The following FRMD4B variants were observed in gnomAD, a reference collection of about 807,000 sequenced individuals.
The protein encoded by FRMD4B is FERM domain containing 4B, also known as FERM domain-containing protein 4B.
Under a neutral mutation model 141.5 loss-of-function variants are expected in FRMD4B, and 74 were observed. That is an observed-to-expected ratio of 0.52 (90% CI 0.43 to 0.63). FRMD4B has a LOEUF of 0.63. FRMD4B is among the 30% of genes least tolerant of loss of function. The pLI, the probability that FRMD4B is intolerant of heterozygous loss-of-function variation, is 0.00. For synonymous variants in FRMD4B, 506 were observed against 467.9 expected (o/e 1.08, Z -1.05); for missense variants, 1,366 against 1,253.4 (o/e 1.09, Z -1.36).
At chr3:69,485,497 C>G (rs916000746) in intron 1 of FRMD4B, among the ~76,000 whole-genome samples, 3 of 152,222 alleles carry the variant, frequency 2.0e-5, no homozygotes, top group Admixed American at 6.5e-5. Flanking sequence ...CTACTCTCAG[C>G]TCCCAGAAGC....
intron 1 of FRMD4B, among the ~76,000 whole-genome samples, chr3:69,352,935 A>G (rs767285): frequency 0.31 from 46,966 of 152,030 alleles, 8,089 homozygotes; most frequent in Non-Finnish European, 0.39. Context: ...TTTTGTTGCC[A>G]AGTGTTCACA....
chr3:69,308,438 C>CT (rs112662917), intron 3 of FRMD4B, among the ~76,000 whole-genome samples: 93,530 of 142,096 alleles, frequency 0.66, 32,021 homozygotes, highest in Non-Finnish European at 0.76. Flanking sequence ...ATCACACTGG[C>CT]TTTTTTTTTT....
intron 4 of FRMD4B, among the ~76,000 whole-genome samples, chr3:69,288,759 C>G (rs943655955): frequency 1.3e-5 from 2 of 152,098 alleles, no homozygotes; most frequent in African/African-American, 2.4e-5. Flanking sequence ...GCTTTGAGTC[C>G]GAAAGGGAAT....
In FRMD4B at chr3:69,323,560, G is replaced by A. The variant is rs1250587100; in HGVS notation, c.163-10043C>T. 4.3e-5 allele frequency among the ~76,000 whole-genome samples: 6 copies of A among 140,472 alleles called. No individual in the cohort carries two copies. In the East Asian group the frequency reaches 1.4e-3, roughly 32 times the overall value. The allele number at this position is 140,472 out of a possible 152,430, so 92.2% of individuals were successfully genotyped here. A position where few individuals can be genotyped will look rare whatever the true frequency, so the allele number is the denominator to read the frequency against. ...AGCCTGGGCGACACAGCGAGACTCT[G>A]TCTCAAAAAAACAAAACAAAAACCC... On this transcript the variant is annotated intron_variant, in intron 1 of 22. Coordinates refer to ENST00000398540, the MANE Select transcript of FRMD4B (RefSeq NM_015123.3).
chr3:69,503,355 A>G (rs1350765094), intron 1 of FRMD4B, among the ~76,000 whole-genome samples: 1 of 152,130 alleles, frequency 6.6e-6, no homozygotes, highest in Non-Finnish European at 1.5e-5. Flanking sequence ...CTATGCAGCC[A>G]TAAAGAAGGA....
In FRMD4B at chr3:69,223,876, G is replaced by A. The variant is rs147377436; in HGVS notation, c.665+731C>T. ...AAAAACTATCACTTGAAAATGACAT[G>A]GCTAGAAGTTTCCAGAGTCAAGATG... On this transcript the variant is annotated intron_variant, in intron 8 of 22. Coordinates refer to ENST00000398540, the MANE Select transcript of FRMD4B (RefSeq NM_015123.3). 3.5e-3 allele frequency among the ~76,000 whole-genome samples: 527 copies of A among 152,194 alleles called. 5 individuals carry two copies. The highest frequency in any genetic ancestry group is 0.012 in the African/African-American group (496 of 41,516).
chr3:69,280,734 C>G (rs1229792777), intron 5 of FRMD4B, among the ~76,000 whole-genome samples: 1 of 152,140 alleles, frequency 6.6e-6, no homozygotes, highest in Non-Finnish European at 1.5e-5. Flanking sequence ...GATCCTCCCA[C>G]CTCAGCCTCC....
At chr3:69,296,905 C>A (rs1364127449) in intron 4 of FRMD4B, among the ~76,000 whole-genome samples, 1 of 152,114 alleles carries the variant, frequency 6.6e-6, no homozygotes, top group Non-Finnish European at 1.5e-5. Context: ...TGAAAATCAT[C>A]CCTACAATCA....
chr3:69,427,643 GTTTTTTT>G (rs774316609), intron 2 of FRMD4B, among the ~76,000 whole-genome samples: 20 of 36,236 alleles, frequency 5.5e-4, no homozygotes, highest in African/African-American at 8.5e-4. Context: ...CTAGGTAAAT[GTTTTTTT>G]TTTTTTTTTT....
chr3:69,431,751 A>C lies in FRMD4B; in HGVS notation c.-1+883T>G, dbSNP rs954830934. 6.5e-4 allele frequency among the ~76,000 whole-genome samples: 99 copies of C among 152,326 alleles called. 2 individuals are homozygous for C. Among genetic ancestry groups the C allele is most frequent in the African/African-American group, 2.3e-3 (96 of 41,578 alleles). On this transcript the variant is annotated intron_variant, in intron 2 of 5. Coordinates refer to the FRMD4B transcript ENST00000459638. ...CAGAGTCGACGTCCTTGACTGCTAC[A>C]TCTCTCCAGCAGGCGCCAGCATGTG...
At chr3:69,356,840 C>T (rs1244612689) in intron 1 of FRMD4B, among the ~76,000 whole-genome samples, 2 of 152,014 alleles carry the variant, frequency 1.3e-5, no homozygotes, top group Non-Finnish European at 2.9e-5. Flanking sequence ...AGACATACTC[C>T]AATGTCACTG....
chr3:69,417,050 C>A (rs192585693), intron 2 of FRMD4B, among the ~76,000 whole-genome samples: 10 of 152,250 alleles, frequency 6.6e-5, no homozygotes, highest in African/African-American at 2.4e-4. Flanking sequence ...GATTTATAAT[C>A]CTATGGGTAT....
intron 1 of FRMD4B, among the ~76,000 whole-genome samples, chr3:69,471,287 G>GCTAGTTTCTTCCA (rs1435165689): frequency 6.6e-6 from 1 of 152,060 alleles, no homozygotes; most frequent in East Asian, 1.9e-4. Context: ...TTCTTCAAAT[G>GCTAGTTTCTTCCA]CTAGTTTCTT....
At position 69,246,781 on chromosome 3, in the gene FRMD4B, C is replaced by T. The variant is rs376244198; in HGVS notation, c.581+2445G>A. Among the ~76,000 whole-genome samples, 47 of 152,348 alleles carry T rather than the reference C, an allele frequency of 3.1e-4. No homozygotes were observed. In the South Asian group the frequency reaches 9.1e-3, roughly 30 times the overall value. On this transcript the variant is annotated intron_variant, in intron 7 of 22. Transcript: ENST00000398540. ...AATTTCAAAACAGTGTGCGCCACTT[C>T]AACCTCGTGATCACTCAGGAAAACC...
chr3:69,236,624 T>C (rs149435362), intron 7 of FRMD4B, among the ~76,000 whole-genome samples: 27 of 152,310 alleles, frequency 1.8e-4, no homozygotes, highest in African/African-American at 5.3e-4. Context: ...TGCAAACTGC[T>C]ACAGGTGAGA....
intron 1 of FRMD4B, chr3:69,536,428 A>G (rs1701085865): frequency 1.4e-6 from 1 of 711,128 alleles, no homozygotes; most frequent in Admixed American, 2.0e-5. Context: ...CCTGAAGCGG[A>G]GGACGTCCAC....
chr3:69,187,558 T>C (rs1246042397), intron 19 of FRMD4B, among the ~76,000 whole-genome samples: 1 of 145,814 alleles, frequency 6.9e-6, no homozygotes, highest in African/African-American at 2.5e-5. Context: ...AAAAAATATA[T>C]ATATATATAC....
intron 1 of FRMD4B, among the ~76,000 whole-genome samples, chr3:69,487,421 T>C (rs987732057): frequency 4.6e-5 from 7 of 152,176 alleles, no homozygotes; most frequent in Admixed American, 3.9e-4. Context: ...CAAGGAAGAT[T>C]TGGGGGTCTA....
In FRMD4B at chr3:69,207,946, C is replaced by G. The variant is rs188123173; in HGVS notation, c.876+8317G>C. Among the ~76,000 whole-genome samples, 5 of 152,272 alleles carry G rather than the reference C, an allele frequency of 3.3e-5. No individual in the cohort carries two copies. The East Asian group carries it at 9.7e-4, about 29-fold the overall frequency. ...CTACAGTGGTGTGCAGTGGCGCCATCTTGGCTCACTGTAACTTCCGCTTCC... is the reference window on the plus strand; with the variant it reads ...CTACAGTGGTGTGCAGTGGCGCCATGTTGGCTCACTGTAACTTCCGCTTCC... On this transcript the variant is annotated intron_variant, in intron 11 of 22. Coordinates refer to ENST00000398540, the MANE Select transcript of FRMD4B (RefSeq NM_015123.3).
Sources: gnomAD v4.1 joint callset for allele counts (sites outside exome capture counted in the v4.1 genomes callset) on GRCh38, gnomAD v4.1.1 for gene constraint, MANE v1.5 for transcripts, NCBI Gene and HGNC (gene_info 2026-07-23, HGNC 2026-07-21) for gene names.